Variants in KLHL32 observed in about 807,000 individuals in gnomAD.
KLHL32 encodes the protein kelch like family member 32.
KLHL32 carries 35 observed loss-of-function variants against 64.8 expected under a neutral mutation model. The ratio of observed to expected loss-of-function variants is 0.54; its 90% confidence interval spans 0.41 to 0.72. The LOEUF (loss-of-function observed/expected upper bound fraction) is 0.72. KLHL32 is among the 30% of genes least tolerant of loss of function. KLHL32 has a pLI of 0.00. For synonymous variants in KLHL32, 259 were observed against 281.0 expected (o/e 0.92, Z 0.78); for missense variants, 589 against 768.5 (o/e 0.77, Z 2.76).
chr6:97,057,178 T>A (rs199528906), intron 4 of KLHL32, among the ~76,000 whole-genome samples: 2 of 75,396 alleles, frequency 2.7e-5, no homozygotes, highest in African/African-American at 1.9e-4. Flanking sequence ...GTATCTTTTT[T>A]TTTTTTTTTT....
At chr6:96,994,941 G>A (rs7758548) in intron 3 of KLHL32, among the ~76,000 whole-genome samples, 37,303 of 152,080 alleles carry the variant, frequency 0.25, 5,910 homozygotes, top group East Asian at 0.53. Flanking sequence ...TGTCTGTTCT[G>A]TTCACCATTG....
Position 96,924,807 on chromosome 6 carries a change from A to G in KLHL32, c.-285A>G, listed in dbSNP as rs1183917398. ...CGCGCACACACGCACGCAGGCACAC[A>G]CACACACACACACACACACACACAC... On this transcript the variant is annotated 5_prime_UTR_variant, in exon 1 of 11. Coordinates refer to ENST00000369261, the MANE Select transcript of KLHL32 (RefSeq NM_052904.4). The G allele has an allele frequency of 2.8e-4, 34 of 119,946 alleles. No homozygotes were observed. Among genetic ancestry groups the G allele is most frequent in the South Asian group, 1.8e-3 (8 of 4,472 alleles). 7.4% of individuals were successfully genotyped at this position (119,946 alleles called of 1,614,324 possible). A position where few individuals can be genotyped will look rare whatever the true frequency, so the allele number is the denominator to read the frequency against.
At chr6:97,072,292 T>G (rs1161058408) in intron 5 of KLHL32, among the ~76,000 whole-genome samples, 1 of 152,166 alleles carries the variant, frequency 6.6e-6, no homozygotes, top group Non-Finnish European at 1.5e-5. Flanking sequence ...CTAAAGCAAC[T>G]TCTTGCTAAC....
chr6:97,055,109 A>G (rs1787590209), intron 4 of KLHL32, among the ~76,000 whole-genome samples: 1 of 152,162 alleles, frequency 6.6e-6, no homozygotes, highest in South Asian at 2.1e-4. Context: ...ATGCCAGGCA[A>G]TGTTAATCTG....
At chr6:96,911,334 C>T in the KLHL32 span, among the ~76,000 whole-genome samples, 1 of 152,234 alleles carries the variant, frequency 6.6e-6, no homozygotes, top group Non-Finnish European at 1.5e-5. Flanking sequence ...ACTCTCAGTC[C>T]TGCAGCCTGA....
At chr6:96,965,963 C>T (rs1217221605) in intron 1 of KLHL32, among the ~76,000 whole-genome samples, 1 of 152,146 alleles carries the variant, frequency 6.6e-6, no homozygotes, top group African/African-American at 2.4e-5. Flanking sequence ...ACTTAACCAA[C>T]TATGATATAC....
At position 97,114,347 on chromosome 6, in the gene KLHL32, G is replaced by GA; in HGVS notation, c.1194dup (p.Tyr399IlefsTer10). On this transcript the variant is annotated frameshift_variant, in exon 7 of 11. Transcript: ENST00000369261. LOFTEE classifies it high-confidence loss of function. ...GCATTTTGTGCTGGGTGCCATGGAGGAATACCTCTATGCAGTTGGGGGCAG... is the reference window on the plus strand; with the variant it reads ...GCATTTTGTGCTGGGTGCCATGGAGGAAATACCTCTATGCAGTTGGGGGCAG... 3 of 1,614,186 alleles carry GA rather than the reference G, an allele frequency of 1.9e-6. No homozygotes were observed. The highest frequency in any genetic ancestry group is 2.5e-6 in the Non-Finnish European group (3 of 1,180,032).
intron 6 of KLHL32, among the ~76,000 whole-genome samples, chr6:97,087,990 T>A (rs1224209200): frequency 6.6e-6 from 1 of 152,166 alleles, no homozygotes; most frequent in East Asian, 1.9e-4. Context: ...TTGGAACTGT[T>A]CTTTTTTTTC....
rs138587901 is a variant in KLHL32 at position 97,024,653 on chromosome 6, A to G, written c.205-16839A>G. 6.6e-4 allele frequency among the ~76,000 whole-genome samples: 101 copies of G among 152,228 alleles called. 1 individual carries two copies. The highest frequency in any genetic ancestry group is 2.4e-3 in the African/African-American group (100 of 41,552). ...TTCAGTCATTCATTTAATTTTCATT[A>G]TCGCGTTTATAATTAGTTCATTGTC... On this transcript the variant is annotated intron_variant, in intron 3 of 10. Coordinates refer to ENST00000369261, the MANE Select transcript of KLHL32 (RefSeq NM_052904.4).
At chr6:96,966,599 A>G (rs1273392888) in intron 1 of KLHL32, among the ~76,000 whole-genome samples, 1 of 152,174 alleles carries the variant, frequency 6.6e-6, no homozygotes, top group Non-Finnish European at 1.5e-5. Flanking sequence ...AATTCCACTA[A>G]TCATATTTGG....
At chr6:97,016,137 G>A (rs953899606) in intron 3 of KLHL32, among the ~76,000 whole-genome samples, 3 of 152,252 alleles carry the variant, frequency 2.0e-5, no homozygotes, top group Admixed American at 6.5e-5. Flanking sequence ...TGGGGTCGGA[G>A]CCCCCACACA....
intron 9 of KLHL32, 57 bp from the exon 10 acceptor site, chr6:97,132,596 A>G: frequency 7.4e-7 from 1 of 1,359,694 alleles, no homozygotes; most frequent in Non-Finnish European, 1.0e-6. Context: ...AAAAGGGTTA[A>G]TTAAAATATG....
chr6:96,909,113 G>A, the KLHL32 span, among the ~76,000 whole-genome samples: 33 of 152,132 alleles, frequency 2.2e-4, no homozygotes, highest in Admixed American at 9.2e-4. Context: ...TTCTGCTGCT[G>A]GATTTTTTTC....
chr6:97,072,564 CT>C (rs5878460), intron 5 of KLHL32, among the ~76,000 whole-genome samples: 13 of 146,104 alleles, frequency 8.9e-5, no homozygotes, highest in Non-Finnish European at 1.2e-4. Flanking sequence ...ATCTCTTTGG[CT>C]TTTTTTTTTT....
intron 1 of KLHL32, among the ~76,000 whole-genome samples, chr6:96,966,465 C>A (rs1774467473): frequency 6.6e-6 from 1 of 152,156 alleles, no homozygotes; most frequent in Non-Finnish European, 1.5e-5. Flanking sequence ...ATCCATTTTT[C>A]ATTTCCTACT....
At chr6:96,992,977 T>A (rs1227707725) in intron 3 of KLHL32, among the ~76,000 whole-genome samples, 1 of 152,218 alleles carries the variant, frequency 6.6e-6, no homozygotes, top group Non-Finnish European at 1.5e-5. Context: ...GCTTGTAAGA[T>A]GAAAATTCAC....
chr6:97,110,108 T>C (rs1796924473), intron 6 of KLHL32, among the ~76,000 whole-genome samples: 2 of 152,244 alleles, frequency 1.3e-5, no homozygotes, highest in African/African-American at 2.4e-5. Flanking sequence ...GGGTGCAGCA[T>C]GTGGGAACTG....
intron 7 of KLHL32, among the ~76,000 whole-genome samples, chr6:97,120,240 G>A (rs1021168151): frequency 6.6e-6 from 1 of 152,120 alleles, no homozygotes; most frequent in African/African-American, 2.4e-5. Context: ...ATAATTATGG[G>A]TGTGAACCTA....
chr6:97,140,387 G>A lies in KLHL32; in HGVS notation c.*1105G>A, dbSNP rs1395363231. 6.6e-6 allele frequency: 1 copy of A among 151,956 alleles called. No individual in the cohort carries two copies. The highest frequency in any genetic ancestry group is 2.4e-5 in the African/African-American group (1 of 41,406). The allele number at this position is 151,956 out of a possible 1,614,324, so 9.4% of individuals were successfully genotyped here. Reference sequence around the variant, plus strand: ...ATAAAAGTTTTTCCACTTTGTTAAAGGTTATGTCAATCTTGAGTGCTTGTG... The same window carrying A: ...ATAAAAGTTTTTCCACTTTGTTAAAAGTTATGTCAATCTTGAGTGCTTGTG... On this transcript the variant is annotated 3_prime_UTR_variant, in exon 11 of 11. Transcript: ENST00000369261.
Sources: allele counts gnomAD v4.1 joint callset (sites outside exome capture counted in the v4.1 genomes callset), GRCh38; gene constraint gnomAD v4.1.1; transcripts MANE v1.5; gene names NCBI Gene and HGNC (gene_info 2026-07-23, HGNC 2026-07-21).